Variants in RHPN2 observed in about 807,000 individuals in gnomAD.
RHPN2 encodes the protein rhophilin-2.
RHPN2 carries 40 observed loss-of-function variants against 79.0 expected under a neutral mutation model. The observed-to-expected ratio is 0.51, with a 90% CI of 0.39 to 0.66. The LOEUF (loss-of-function observed/expected upper bound fraction) is 0.66, where lower values mean the gene tolerates loss of function less well. Ranked by LOEUF, RHPN2 falls within the 30% of genes least tolerant of loss-of-function variation. The pLI, the probability that RHPN2 is intolerant of heterozygous loss-of-function variation, is 0.00. For missense variants in RHPN2, 686 were observed against 883.5 expected (o/e 0.78, Z 2.83); for synonymous variants, 285 against 363.5 (o/e 0.78, Z 2.46).
chr19:33,012,038 C>CTT lies in RHPN2; in HGVS notation c.469-237_469-236dup, dbSNP rs34140133. 1.3e-3 allele frequency among the ~76,000 whole-genome samples: 163 copies of CTT among 126,362 alleles called. 3 individuals carry two copies. The highest frequency in any genetic ancestry group is 2.1e-3 in the South Asian group (8 of 3,822). 82.9% of individuals were successfully genotyped at this position (126,362 alleles called of 152,430 possible). A position where few individuals can be genotyped will look rare whatever the true frequency, so the allele number is the denominator to read the frequency against. On this transcript the variant is annotated intron_variant, in intron 5 of 14. Coordinates refer to ENST00000254260, the MANE Select transcript of RHPN2 (RefSeq NM_033103.5). ...GCTCTCCCCTTCTATGGTTTTCCTT[C>CTT]TTTTTTTTTTTTTTTTTTTGAGACA...
chr19:33,037,536 G>C (rs759005664), intron 2 of RHPN2, among the ~76,000 whole-genome samples: 2 of 152,186 alleles, frequency 1.3e-5, no homozygotes, highest in African/African-American at 4.8e-5. Context: ...GCCTTTATGA[G>C]CTGTAACACT....
rs1421420180 is a variant in RHPN2, at chr19:33,032,407, C to T, written c.186-5775G>A. ...GCTCGATCTCCAGCCTCTCTCCCTT[C>T]TCCAGAGGTGGTGTAGGGAGGAGCT... is the stretch of plus-strand genomic sequence containing the variant. On this transcript the variant is annotated intron_variant, in intron 2 of 14. Coordinates refer to ENST00000254260, the MANE Select transcript of RHPN2 (RefSeq NM_033103.5). 3.9e-5 allele frequency among the ~76,000 whole-genome samples: 6 copies of T among 152,288 alleles called. No individual in the cohort carries two copies. In the East Asian group the frequency reaches 7.7e-4, roughly 20 times the overall value.
At chr19:33,027,134 C>T (rs1179703557) in intron 2 of RHPN2, 1 of 232,064 alleles carries the variant, frequency 4.3e-6, no homozygotes. Context: ...GTGGTGCATG[C>T]CTGTAGTCCC....
At chr19:33,064,374 G>A (rs1972308095) in intron 1 of RHPN2, among the ~76,000 whole-genome samples, 1 of 152,052 alleles carries the variant, frequency 6.6e-6, no homozygotes, top group Non-Finnish European at 1.5e-5. Flanking sequence ...GTCTCCACCC[G>A]CGCTCCCACC....
intron 6 of RHPN2, among the ~76,000 whole-genome samples, chr19:33,010,082 G>A (rs549492705): frequency 1.3e-5 from 2 of 151,990 alleles, no homozygotes; most frequent in Non-Finnish European, 2.9e-5. Flanking sequence ...CCTGGCCCTA[G>A]GACTTGTTTT....
intron 1 of RHPN2, among the ~76,000 whole-genome samples, chr19:33,052,044 C>T (rs1972193079): frequency 6.7e-6 from 1 of 148,342 alleles, no homozygotes; most frequent in Non-Finnish European, 1.5e-5. Context: ...TTACCAAAAA[C>T]TGACCGTGCT....
Position 33,020,540 on chromosome 19 carries a change from C to A in RHPN2, c.390+1031G>T, listed in dbSNP as rs531724246. Among the ~76,000 whole-genome samples, 3 of 150,552 alleles carry A rather than the reference C, an allele frequency of 2.0e-5. No individual in the cohort carries two copies. In the East Asian group the frequency reaches 5.8e-4, roughly 29 times the overall value. ...ATGGGATCTCACTCTGTCGCCCAGG[C>A]TGGAGGGCAGTGGCGTGATCTCGGC... On this transcript the variant is annotated intron_variant, in intron 4 of 14. Coordinates refer to ENST00000254260, the MANE Select transcript of RHPN2 (RefSeq NM_033103.5).
chr19:33,030,815 C>T (rs887674502), intron 2 of RHPN2, among the ~76,000 whole-genome samples: 3 of 152,142 alleles, frequency 2.0e-5, no homozygotes, highest in African/African-American at 4.8e-5. Context: ...CAATTCAATT[C>T]GATTCTGACC....
chr19:33,054,348 G>A (rs762892530), intron 1 of RHPN2, among the ~76,000 whole-genome samples: 4 of 151,708 alleles, frequency 2.6e-5, no homozygotes, highest in Admixed American at 6.6e-5. Flanking sequence ...TTACAGGCAC[G>A]CAGCACCACA....
At chr19:33,048,725 CAAA>C (rs58396784) in intron 1 of RHPN2, among the ~76,000 whole-genome samples, 3 of 62,670 alleles carry the variant, frequency 4.8e-5, no homozygotes, top group South Asian at 1.5e-3. Context: ...GACTCAGTCT[CAAA>C]AAAAAAAAAA....
chr19:33,024,593 G>A (rs968798755), intron 3 of RHPN2, among the ~76,000 whole-genome samples: 2 of 152,116 alleles, frequency 1.3e-5, no homozygotes, highest in Non-Finnish European at 2.9e-5. Flanking sequence ...CCAGCACCAG[G>A]AAACACACAT....
chr19:33,058,368 C>T (rs140361237), intron 1 of RHPN2, among the ~76,000 whole-genome samples: 10 of 152,292 alleles, frequency 6.6e-5, no homozygotes, highest in Non-Finnish European at 8.8e-5. Flanking sequence ...AAATCCTTTT[C>T]GGATGAATGG....
At position 33,002,445 on chromosome 19, in the gene RHPN2, G is replaced by A. The variant is rs1262968997; in HGVS notation, c.949-42C>T. 7 of 1,612,130 alleles carry A rather than the reference G, an allele frequency of 4.3e-6. No homozygotes were observed. The Admixed American group carries it at 8.3e-5, about 19-fold the overall frequency. On this transcript the variant is annotated intron_variant, in intron 8 of 14. Coordinates refer to ENST00000254260, the MANE Select transcript of RHPN2 (RefSeq NM_033103.5). Reference sequence around the variant, plus strand: ...ACTGGGAAGGGGCAGCCCGGCACAAGGGCCCTCATGAACCCATTTGCAGAG... The same window carrying A: ...ACTGGGAAGGGGCAGCCCGGCACAAAGGCCCTCATGAACCCATTTGCAGAG...
intron 3 of RHPN2, among the ~76,000 whole-genome samples, chr19:33,024,871 C>T (rs1294155609): frequency 2.6e-5 from 4 of 152,112 alleles, no homozygotes; most frequent in Non-Finnish European, 5.9e-5. Flanking sequence ...CCCACCTCAG[C>T]CTTCTGAGTA....
intron 1 of RHPN2, among the ~76,000 whole-genome samples, chr19:33,057,679 AAAAAAAAAAAAGATAG>A (rs1411630957): frequency 1.5e-5 from 2 of 131,262 alleles, no homozygotes; most frequent in Non-Finnish European, 3.0e-5. Context: ...CCATCTCAAA[AAAAAAAAAAAAGATAG>A]AAAAAAAAAA....
At chr19:33,042,981 A>G (rs1403026937) in intron 2 of RHPN2, among the ~76,000 whole-genome samples, 1 of 152,016 alleles carries the variant, frequency 6.6e-6, no homozygotes, top group Non-Finnish European at 1.5e-5. Context: ...GAGGAGGCTG[A>G]GGCAGGAGAA....
At chr19:33,057,401 G>C (rs1470420040) in intron 1 of RHPN2, among the ~76,000 whole-genome samples, 1 of 152,142 alleles carries the variant, frequency 6.6e-6, no homozygotes, top group East Asian at 1.9e-4. Flanking sequence ...TTTTATAATA[G>C]ACCTGAGGCT....
At position 33,045,432 on chromosome 19, in the gene RHPN2, A is replaced by G. The variant is rs1211289538; in HGVS notation, c.70-1068T>C. ...TTTGCCCTTTTAAAATAAACAATTC[A>G]TTGGTTTTTAGTATATTCAGGAGTT... On this transcript the variant is annotated intron_variant, in intron 1 of 14. Coordinates refer to ENST00000254260, the MANE Select transcript of RHPN2 (RefSeq NM_033103.5). Among the ~76,000 whole-genome samples, 4 of 151,434 alleles carry G rather than the reference A, an allele frequency of 2.6e-5. No homozygotes were observed. The East Asian group carries it at 5.8e-4, about 22-fold the overall frequency.
chr19:32,980,895 T>C (rs1971568729), intron 14 of RHPN2, among the ~76,000 whole-genome samples: 1 of 151,954 alleles, frequency 6.6e-6, no homozygotes. Flanking sequence ...TGGAGTGTAG[T>C]GGTACGATCT....
Sources: allele counts gnomAD v4.1 joint callset (sites outside exome capture counted in the v4.1 genomes callset), GRCh38; gene constraint gnomAD v4.1.1; transcripts MANE v1.5; gene names NCBI Gene and HGNC (gene_info 2026-07-23, HGNC 2026-07-21).